APOB: variants seen among roughly 807,000 people sequenced by gnomAD.
APOB encodes apolipoprotein B-100.
Under a neutral mutation model 314.1 loss-of-function variants are expected in APOB, and 153 were observed. The ratio of observed to expected loss-of-function variants is 0.49; its 90% CI spans 0.43 to 0.56. The LOEUF (loss-of-function observed/expected upper bound fraction) is 0.56. Among genes scored for constraint, APOB ranks in the 20% least tolerant of loss-of-function variants. APOB has a pLI of 0.00. For missense variants in APOB, 5,430 were observed against 5,350.7 expected, an observed-to-expected ratio of 1.01 and a Z score of -0.46; for synonymous variants, 2,087 against 2,036.4, an observed-to-expected ratio of 1.02 and a Z score of -0.67.
chr2:21,014,870 T>C (rs553656843), intron 23 of APOB, among the ~76,000 whole-genome samples: 1 of 152,360 alleles, frequency 6.6e-6, no homozygotes, highest in South Asian at 2.1e-4. Flanking sequence ...CTTAGTAGCA[T>C]CTCTTTGATA....
At chr2:21,042,326 G>A (rs2103388803) in intron 3 of APOB, 35 bp downstream of exon 3, 6 of 1,538,254 alleles carry the variant, frequency 3.9e-6, no homozygotes, top group East Asian at 2.2e-5. Flanking sequence ...GGAAAGCTGT[G>A]GGCTCTAGGT....
In APOB at chr2:21,011,728, A is replaced by G. The variant is rs747926682; in HGVS notation, c.5140T>C (p.Tyr1714His). Residue 1714 changes from tyrosine (Y) to histidine (H), a missense_variant, in exon 26 of 29, where the codon TAT becomes CAT. Transcript: ENST00000233242. ...TCGACACCCAGAATCATGGCCTGATAAGCACTTCCCAGTGATAGCTCTGTG... is the reference window on the plus strand; with the variant it reads ...TCGACACCCAGAATCATGGCCTGATGAGCACTTCCCAGTGATAGCTCTGTG... Reference protein sequence around the residue: ...ALTELSLGSAYQAMILGVDSK... With the variant: ...ALTELSLGSAHQAMILGVDSK... The G allele has an allele frequency of 6.2e-7, 1 of 1,614,112 alleles. No individual in the cohort carries two copies. Among genetic ancestry groups the G allele is most frequent in the Non-Finnish European group, 8.5e-7 (1 of 1,180,024 alleles).
At position 21,011,340 on chromosome 2, in the gene APOB, G is replaced by A. The variant is rs1663315405; in HGVS notation, c.5528C>T (p.Ser1843Phe). 6.2e-7 allele frequency: 1 copy of A among 1,614,058 alleles called. No individual in the cohort carries two copies. The highest frequency in any genetic ancestry group is 8.5e-7 in the Non-Finnish European group (1 of 1,180,018). Residue 1843 changes from serine (S) to phenylalanine (F), a missense_variant, in exon 26 of 29, where the codon TCT becomes TTT. Transcript: ENST00000233242. ...NNEIKHIYAI[S>F]SAALSASYKA... ...ATAGCTTGCTGATAAGGCAGCAGAA[G>A]AGATGGCATAGATGTGTTTTATTTC...
Position 21,012,256 on chromosome 2 carries a change from C to A in APOB, c.4612G>T (p.Glu1538Ter). ...GAGGTGAGGGAGAGGGTTCCATCTT[C>A]ATATCTTCCTGTTATCTGGTTGGTG... is the stretch of plus-strand genomic sequence containing the variant. ...QGTNQITGRY[E>*]DGTLSLTSTS... The change falls in exon 26 of 29, where the codon GAA (glutamate) becomes TAA (stop). Residue 1538 changes from glutamate to a stop codon, truncating the protein, a stop_gained. Coordinates refer to ENST00000233242, the MANE Select transcript of APOB (RefSeq NM_000384.3). LOFTEE classifies it high-confidence loss of function. 1 of 1,612,822 alleles carries A rather than the reference C, an allele frequency of 6.2e-7. No individual in the cohort carries two copies. The highest frequency in any genetic ancestry group is 1.1e-5 in the South Asian group (1 of 91,018).
chr2:21,015,457 A>G lies in APOB; in HGVS notation c.3421T>C (p.Trp1141Arg). ...AEARSEILAH[W>R]SPAKLLLQMD... ...TGGAGAAGCAGTTTGGCAGGCGACCAGTGGGCGAGGATCTCACTTCTGGCT... is the reference window on the plus strand; with the variant it reads ...TGGAGAAGCAGTTTGGCAGGCGACCGGTGGGCGAGGATCTCACTTCTGGCT... The change falls in exon 22 of 29, where the codon TGG becomes CGG. Residue 1141 changes from tryptophan to arginine, a missense_variant. By Grantham distance (101) the Trp-to-Arg change is moderately radical (BLOSUM62 -3). Transcript: ENST00000233242. 1 of 1,614,130 alleles carries G rather than the reference A, an allele frequency of 6.2e-7. No individual in the cohort carries two copies. Among genetic ancestry groups the G allele is most frequent in the East Asian group, 2.2e-5 (1 of 44,876 alleles).
rs1422364629 is a variant in APOB, at chr2:21,007,619, C to T, written c.9249G>A (p.Gln3083=). The change falls in exon 26 of 29, where the codon CAG becomes CAA. Residue 3083 remains glutamine, a synonymous_variant. Coordinates refer to ENST00000233242, the MANE Select transcript of APOB (RefSeq NM_000384.3). ...TAGCACTTACTTGCCAACTTGCTTG[C>T]TGGGCACTGGGACTCAGAAACAGTG... ...NYALFLSPSA[Q]QASWQVSARF... is the part of the protein sequence containing the mutation. 3 of 1,614,104 alleles carry T rather than the reference C, an allele frequency of 1.9e-6. No individual in the cohort carries two copies. Among genetic ancestry groups the T allele is most frequent in the Non-Finnish European group, 2.5e-6 (3 of 1,179,956 alleles).
chr2:21,029,604 A>T (rs1663825997), intron 12 of APOB, 35 bp downstream of exon 12: 1 of 1,612,294 alleles, frequency 6.2e-7, no homozygotes, highest in Admixed American at 1.7e-5. Context: ...TTGTTAATAA[A>T]CTTTCACTTT....
At position 21,027,808 on chromosome 2, in the gene APOB, C is replaced by T. The variant is rs780691616; in HGVS notation, c.2067+20G>A. ...TGCTGTACAAAATGGGCTAGAGAAC[C>T]TCAAACTCTTCACACTTACCTCGAT... On this transcript the variant is annotated intron_variant, in intron 14 of 28. Coordinates refer to ENST00000233242, the MANE Select transcript of APOB (RefSeq NM_000384.3). The T allele has an allele frequency of 2.5e-5, 40 of 1,588,414 alleles. No individual in the cohort carries two copies. The Admixed American group carries it at 6.3e-4, about 25-fold the overall frequency.
rs1663139108 is a variant in APOB at position 21,006,394 on chromosome 2, T to C, written c.10474A>G (p.Ile3492Val). 6.2e-7 allele frequency: 1 copy of C among 1,614,028 alleles called. No homozygotes were observed. Among genetic ancestry groups the C allele is most frequent in the Non-Finnish European group, 8.5e-7 (1 of 1,179,964 alleles). The change falls in exon 26 of 29, where the codon ATT (isoleucine) becomes GTT (valine). Residue 3492 changes from isoleucine to valine, a missense_variant. This residue lies in a region of APOB where 3,281 missense variants were observed against 3,171.0 expected (regional missense o/e 1.03). Coordinates refer to ENST00000233242, the MANE Select transcript of APOB (RefSeq NM_000384.3). ...ACATCTCCTTTGGTAGATGACTCAA[T>C]GGAAAAGTAAGAGGTGAGGCTTTCC... ...SLESLTSYFS[I>V]ESSTKGDVKG... is the part of the protein sequence containing the mutation.
At chr2:21,040,871 C>A in intron 4 of APOB, 67 bp downstream of exon 4, 1 of 1,578,198 alleles carries the variant, frequency 6.3e-7, no homozygotes, top group African/African-American at 1.3e-5. Context: ...GTGCCTGGTG[C>A]AAACACACAA....
At chr2:21,013,621 C>G (rs1663391932) in intron 24 of APOB, 88 bp from the exon 25 acceptor site, 1 of 1,577,350 alleles carries the variant, frequency 6.3e-7, no homozygotes, top group Non-Finnish European at 8.7e-7. Flanking sequence ...CAATATTGTA[C>G]TTGCCCCATT....
intron 13 of APOB, 55 bp from the exon 14 acceptor site, chr2:21,028,120 T>C: frequency 7.6e-7 from 1 of 1,314,452 alleles, no homozygotes; most frequent in Non-Finnish European, 1.1e-6. Flanking sequence ...ATCCTTTGAC[T>C]CTTGCACCCC....
rs1378870144 is a variant in APOB, at chr2:21,035,842, T to A, written c.694-134A>T. 3.2e-6 allele frequency: 3 copies of A among 949,336 alleles called. No individual in the cohort carries two copies. The East Asian group carries it at 7.8e-5, about 25-fold the overall frequency. The allele number at this position is 949,336 out of a possible 1,614,324, so 58.8% of individuals were successfully genotyped here. A position where few individuals can be genotyped will look rare whatever the true frequency, so the allele number is the denominator to read the frequency against. ...TCAGAGAAAGAAGATAACTGGGTAC[T>A]TGACATTTAGACCAGGGGGTGCAAC... is the stretch of plus-strand genomic sequence containing the variant. On this transcript the variant is annotated intron_variant, in intron 6 of 28. Coordinates refer to ENST00000233242, the MANE Select transcript of APOB (RefSeq NM_000384.3).
intron 8 of APOB, among the ~76,000 whole-genome samples, chr2:21,033,893 C>T (rs1663939970): frequency 6.6e-6 from 1 of 152,164 alleles, no homozygotes; most frequent in African/African-American, 2.4e-5. Context: ...TTAGGTTTCC[C>T]AAGAGCTCTC....
intron 15 of APOB, 90 bp downstream of exon 15, chr2:21,026,698 A>T: frequency 9.5e-7 from 1 of 1,052,516 alleles, no homozygotes; most frequent in Non-Finnish European, 1.5e-6. Context: ...TCAGTTAGAT[A>T]GTATTTTGAG....
rs1663794946 is a variant in APOB, at chr2:21,028,437, A to G, written c.1719T>C (p.Asp573=). 3 of 1,614,094 alleles carry G rather than the reference A, an allele frequency of 1.9e-6. No homozygotes were observed. Among genetic ancestry groups the G allele is most frequent in the Non-Finnish European group, 2.5e-6 (3 of 1,179,948 alleles). Residue 573 remains aspartate, a synonymous_variant, in exon 13 of 29, where the codon GAT becomes GAC. Coordinates refer to ENST00000233242, the MANE Select transcript of APOB (RefSeq NM_000384.3). ...GTAGAATTTGGACAATTTTGTTAAT[A>G]TCTGCCTGTGAAGGACTCCTCATCA... The part of the protein sequence containing the change: ...LMLMRSPSQA[D]INKIVQILPW...
chr2:21,011,142 G>A lies in APOB; in HGVS notation c.5726C>T (p.Ala1909Val). 4 of 1,614,192 alleles carry A rather than the reference G, an allele frequency of 2.5e-6. No homozygotes were observed. The highest frequency in any genetic ancestry group is 3.4e-6 in the Non-Finnish European group (4 of 1,180,022). Residue 1909 changes from alanine (A) to valine (V), a missense_variant, in exon 26 of 29, where the codon GCA (alanine) becomes GTA (valine). By Grantham distance (64) the Ala-to-Val change is moderately conservative. Coordinates refer to ENST00000233242, the MANE Select transcript of APOB (RefSeq NM_000384.3). ...GAGTTTCCCATTGCCATTTGTATGT[G>A]CATCGATGGTCATGGTAAACGGGGC... ...VMAPFTMTIDAHTNGNGKLAL... is the reference protein window; with the variant it reads ...VMAPFTMTIDVHTNGNGKLAL...
Position 21,004,340 on chromosome 2 carries a change from C to T in APOB, c.12016G>A (p.Val4006Ile), listed in dbSNP as rs183117027. The T allele has an allele frequency of 1.6e-4, 265 of 1,613,876 alleles. No individual in the cohort carries two copies. The East Asian group carries it at 4.0e-3, about 24-fold the overall frequency. Reference sequence around the variant, plus strand: ...TCCATATCCATGCCCACGGTGCCTACGGCTGGGGAGGCTGCTGAGGTGGAG... The same window carrying T: ...TCCATATCCATGCCCACGGTGCCTATGGCTGGGGAGGCTGCTGAGGTGGAG... ...GISTSAASPAVGTVGMDMDED... is the reference protein window; with the variant it reads ...GISTSAASPAIGTVGMDMDED... Residue 4006 changes from valine (V) to isoleucine (I), a missense_variant, in exon 28 of 29, where the codon GTA becomes ATA. Val to Ile is a conservative substitution (Grantham distance 29). This residue lies in a region of APOB where 3,281 missense variants were observed against 3,171.0 expected (regional missense o/e 1.03). Transcript: ENST00000233242.
Position 21,008,435 on chromosome 2 carries a change from A to C in APOB, c.8433T>G (p.Asn2811Lys), listed in dbSNP as rs1663210975. Reference protein sequence around the residue: ...LEVLNFDFQANAQLSNPKINP... With the variant: ...LEVLNFDFQAKAQLSNPKINP... ...TAATCTTAGGGTTTGAGAGTTGTGC[A>C]TTTGCTTGAAAATCAAAATTGAGAA... is the stretch of plus-strand genomic sequence containing the variant. Residue 2811 changes from asparagine (N) to lysine (K), a missense_variant, in exon 26 of 29, where the codon AAT becomes AAG. Asn to Lys is a moderately conservative substitution (Grantham distance 94). Coordinates refer to ENST00000233242, the MANE Select transcript of APOB (RefSeq NM_000384.3). 6.2e-7 allele frequency: 1 copy of C among 1,613,942 alleles called. No homozygotes were observed. Among genetic ancestry groups the C allele is most frequent in the South Asian group, 1.1e-5 (1 of 91,080 alleles).
Sources: gnomAD v4.1 joint callset for allele counts (sites outside exome capture counted in the v4.1 genomes callset) on GRCh38, gnomAD v4.1.1 for gene constraint, gnomAD v4.1.1 regional missense constraint, MANE v1.5 for transcripts, NCBI Gene and HGNC (gene_info 2026-07-23, HGNC 2026-07-21) for gene names.